Variants in CLEC12B observed in about 807,000 individuals in gnomAD.
CLEC12B encodes C-type lectin domain family 12 member B.
CLEC12B carries 25 observed loss-of-function variants against 36.1 expected under a neutral mutation model. The observed-to-expected ratio is 0.69, with a 90% CI of 0.50 to 0.97. The LOEUF is 0.97. Ranked by LOEUF, CLEC12B falls within the 50% of genes least tolerant of loss-of-function variation. The pLI is 0.00. For missense variants in CLEC12B, 325 were observed against 318.4 expected (o/e 1.02, Z -0.16); for synonymous variants, 110 against 108.5 (o/e 1.01, Z -0.09).
At chr12:10,011,692 T>C (rs1026345150) in intron 1 of CLEC12B, among the ~76,000 whole-genome samples, 2 of 152,230 alleles carry the variant, frequency 1.3e-5, no homozygotes, top group African/African-American at 4.8e-5. Context: ...CAGGTTCTCC[T>C]GAATCATGTC....
chr12:10,014,857 G>T (rs1299567002), intron 3 of CLEC12B, 116 bp downstream of exon 3: 3 of 691,358 alleles, frequency 4.3e-6, no homozygotes, highest in Non-Finnish European at 7.4e-6. Context: ...GAACCTTAAT[G>T]ATGTTGCACT....
chr12:10,016,946 C>A, intron 5 of CLEC12B: 1 of 954,276 alleles, frequency 1.0e-6, no homozygotes, highest in Non-Finnish European at 1.2e-6. Flanking sequence ...TCATTATCCA[C>A]CCCCCTCCCT....
chr12:10,014,234 T>C (rs889261439), intron 2 of CLEC12B, among the ~76,000 whole-genome samples: 9 of 152,156 alleles, frequency 5.9e-5, no homozygotes, highest in African/African-American at 2.2e-4. Flanking sequence ...AACAATTTCA[T>C]GAAAATGAGT....
upstream of CLEC12B, among the ~76,000 whole-genome samples, chr12:10,006,942 T>C (rs9300222): frequency 0.35 from 52,945 of 151,320 alleles, 9,585 homozygotes; most frequent in Non-Finnish European, 0.37. Flanking sequence ...GTAGTCCCAG[T>C]TACTCTGGAG....
intron 2 of CLEC12B, chr12:10,013,506 T>G (rs57789100): frequency 0.028 from 4,320 of 153,232 alleles, 140 homozygotes; most frequent in African/African-American, 0.062. Context: ...CTCGGGAAGT[T>G]GGGGATGAAC....
Position 10,010,704 on chromosome 12 carries a change from G to A in CLEC12B, c.-56G>A. On this transcript the variant is annotated 5_prime_UTR_variant, in exon 1 of 6. Coordinates refer to ENST00000338896, the MANE Select transcript of CLEC12B (RefSeq NM_001129998.3). Reference sequence around the variant, plus strand: ...CCTTGAAAAACACATGCTGTTCCCAGGCCTCAAGATATTGAAACATTAATT... The same window carrying A: ...CCTTGAAAAACACATGCTGTTCCCAAGCCTCAAGATATTGAAACATTAATT... 1.7e-6 allele frequency: 2 copies of A among 1,167,992 alleles called. No individual in the cohort carries two copies. The highest frequency in any genetic ancestry group is 2.5e-6 in the Non-Finnish European group (2 of 793,576). 72.4% of individuals were successfully genotyped at this position (1,167,992 alleles called of 1,614,324 possible). A position where few individuals can be genotyped will look rare whatever the true frequency, so the allele number is the denominator to read the frequency against.
chr12:10,011,482 A>G (rs1865326149), intron 1 of CLEC12B, among the ~76,000 whole-genome samples: 7 of 152,328 alleles, frequency 4.6e-5, no homozygotes, highest in Admixed American at 3.9e-4. Flanking sequence ...TTTCTCCATT[A>G]CATAGATGAA....
chr12:10,010,190 TGTCTCTCTCTCA>T (rs1401268602), upstream of CLEC12B, among the ~76,000 whole-genome samples: 17 of 63,414 alleles, frequency 2.7e-4, no homozygotes, highest in South Asian at 2.8e-3. Context: ...TGTCTCTCTC[TGTCTCTCTCTCA>T]CACACACACA....
At chr12:10,006,552 GGAT>G (rs1213178472), upstream of CLEC12B, among the ~76,000 whole-genome samples, 2 of 151,964 alleles carry the variant, frequency 1.3e-5, no homozygotes, top group African/African-American at 4.8e-5. Flanking sequence ...ATCTGAGGGA[GGAT>G]TGGGTTGTGA....
At position 10,018,455 on chromosome 12, in the gene CLEC12B, C is replaced by T; in HGVS notation, c.805C>T (p.Pro269Ser). 2 of 1,550,596 alleles carry T rather than the reference C, an allele frequency of 1.3e-6. No homozygotes were observed. Among genetic ancestry groups the T allele is most frequent in the South Asian group, 1.2e-5 (1 of 83,826 alleles). ...TTGGATTTGCGAGAAGACAGCTGCC[C>T]CAGTGAAGACTGAGGATTTGGATTA... The part of the protein sequence containing the change: ...IFWICEKTAA[P>S]VKTEDLD Residue 269 changes from proline (P) to serine (S), a missense_variant, in exon 6 of 6, where the codon CCA (proline) becomes TCA (serine). By Grantham distance (74) the Pro-to-Ser change is moderately conservative. Transcript: ENST00000338896.
At chr12:10,009,428 G>A (rs1172950801), upstream of CLEC12B, among the ~76,000 whole-genome samples, 3 of 151,966 alleles carry the variant, frequency 2.0e-5, no homozygotes, top group Non-Finnish European at 4.4e-5. Context: ...AATGGTCTCT[G>A]CCTTTTCTGA....
Position 10,015,697 on chromosome 12 carries a change from G to A in CLEC12B, c.650G>A (p.Trp217Ter). The change falls in exon 5 of 6, where the codon TGG (tryptophan) becomes TAG (stop). Residue 217 changes from tryptophan to a stop codon, truncating the protein, a stop_gained. Transcript: ENST00000338896. LOFTEE classifies it high-confidence loss of function. Reference protein sequence around the residue: ...SWDSSGRSWFWEDGSVPSPSL... With the variant: ...SWDSSGRSWF ...GACTCCTCTGGCAGAAGTTGGTTCT[G>A]GGAAGATGGCTCTGTTCCCTCTCCA... 2 of 1,613,688 alleles carry A rather than the reference G, an allele frequency of 1.2e-6. No individual in the cohort carries two copies. Among genetic ancestry groups the A allele is most frequent in the Non-Finnish European group, 1.7e-6 (2 of 1,179,702 alleles).
upstream of CLEC12B, among the ~76,000 whole-genome samples, chr12:10,009,741 T>C (rs1591860999): frequency 1.3e-5 from 2 of 152,116 alleles, no homozygotes; most frequent in Non-Finnish European, 2.9e-5. Context: ...CACACAGATA[T>C]GAACCTTGGA....
rs1266499707 is a variant in CLEC12B at position 10,014,565 on chromosome 12, T to C, written c.233T>C (p.Leu78Ser). The change falls in exon 3 of 6, where the codon TTG becomes TCG. Residue 78 changes from leucine to serine, a missense_variant. Transcript: ENST00000338896. ...GACATTAACTCAGATTCAGAGAAAT[T>C]GAGTCAACTTCAGAAAACCATCCAA... ...SNDINSDSEK[L>S]SQLQKTIQQQ... The C allele has an allele frequency of 6.2e-7, 1 of 1,613,620 alleles. No homozygotes were observed. Among genetic ancestry groups the C allele is most frequent in the East Asian group, 2.2e-5 (1 of 44,878 alleles).
upstream of CLEC12B, among the ~76,000 whole-genome samples, chr12:10,010,191 G>GTC (rs761413491): frequency 0.062 from 6,493 of 105,158 alleles, 221 homozygotes; most frequent in African/African-American, 0.12. Context: ...GTCTCTCTCT[G>GTC]TCTCTCTCTC....
intron 1 of CLEC12B, among the ~76,000 whole-genome samples, chr12:10,011,702 C>T (rs1250790776): frequency 1.3e-5 from 2 of 152,214 alleles, no homozygotes; most frequent in Non-Finnish European, 2.9e-5. Flanking sequence ...TGAATCATGT[C>T]AGTCATCTGA....
Position 10,010,855 on chromosome 12 carries a change from G to C in CLEC12B, c.91+5G>C, listed in dbSNP as rs779475516. 3 of 1,592,440 alleles carry C rather than the reference G, an allele frequency of 1.9e-6. No individual in the cohort carries two copies. Among genetic ancestry groups the C allele is most frequent in the Non-Finnish European group, 2.6e-6 (3 of 1,161,850 alleles). On this transcript the variant is annotated splice_donor_5th_base_variant and intron_variant, in intron 1 of 5. Coordinates refer to ENST00000338896, the MANE Select transcript of CLEC12B (RefSeq NM_001129998.3). The stretch of plus-strand genomic sequence containing the variant: ...GAAATAACCTAAGAAAAAGAGGTAG[G>C]AGTTCAGAGAAGACCAGCTGTGTCC...
chr12:10,017,929 A>C, intron 5 of CLEC12B: 1 of 963,682 alleles, frequency 1.0e-6, no homozygotes, highest in Non-Finnish European at 1.2e-6. Context: ...GCATAATAAA[A>C]TGTGATAACT....
intron 4 of CLEC12B, 31 bp from the exon 5 acceptor site, chr12:10,015,581 C>G: frequency 6.2e-7 from 1 of 1,612,776 alleles, no homozygotes; most frequent in Non-Finnish European, 8.5e-7. Flanking sequence ...GTGGCGCTCA[C>G]GTAAAACTTT....
Sources: gnomAD v4.1 joint callset for allele counts (sites outside exome capture counted in the v4.1 genomes callset) on GRCh38, gnomAD v4.1.1 for gene constraint, MANE v1.5 for transcripts, NCBI Gene and HGNC (gene_info 2026-07-23, HGNC 2026-07-21) for gene names.